Variants in TPP2 observed in about 807,000 individuals in gnomAD.
TPP2 encodes the protein tripeptidyl-peptidase 2.
In TPP2, 34 loss-of-function variants were observed where a neutral mutation model predicts 155.9. The ratio of observed to expected loss-of-function variants is 0.22; its 90% CI spans 0.17 to 0.29. The LOEUF (loss-of-function observed/expected upper bound fraction) is 0.29. Ranked by LOEUF, TPP2 falls within the 10% of genes least tolerant of loss-of-function variation. The pLI, the probability that TPP2 is intolerant of heterozygous loss-of-function variation, is 1.00. For missense variants in TPP2, 1,028 were observed against 1,522.3 expected (o/e 0.68, Z 5.40); for synonymous variants, 510 against 529.4 (o/e 0.96, Z 0.50).
chr13:102,613,328 A>G (rs554480812), intron 2 of TPP2, among the ~76,000 whole-genome samples: 1 of 152,232 alleles, frequency 6.6e-6, no homozygotes, highest in African/African-American at 2.4e-5. Context: ...AAGGTATTGC[A>G]CAAGTGAGGA....
intron 5 of TPP2, 74 bp from the exon 6 acceptor site, chr13:102,622,803 A>C: frequency 6.9e-7 from 1 of 1,448,376 alleles, no homozygotes; most frequent in Non-Finnish European, 9.3e-7. Flanking sequence ...AAAATAGTGG[A>C]GAGACTATGT....
intron 27 of TPP2, among the ~76,000 whole-genome samples, chr13:102,671,896 A>G (rs1885005959): frequency 6.6e-6 from 1 of 152,210 alleles, no homozygotes; most frequent in Non-Finnish European, 1.5e-5. Flanking sequence ...AGCTTTAAGC[A>G]GCTGTTTCAT....
At chr13:102,662,092 A>G (rs998924455) in intron 25 of TPP2, among the ~76,000 whole-genome samples, 5 of 152,198 alleles carry the variant, frequency 3.3e-5, no homozygotes, top group Non-Finnish European at 7.4e-5. Flanking sequence ...CATGAATGGG[A>G]TTAATACATG....
intron 2 of TPP2, among the ~76,000 whole-genome samples, chr13:102,613,473 G>A (rs941358562): frequency 2.6e-5 from 4 of 152,168 alleles, no homozygotes; most frequent in African/African-American, 9.7e-5. Context: ...ATTCATGTTG[G>A]TTGATGCTCA....
chr13:102,636,110 A>T, intron 12 of TPP2, 114 bp from the exon 13 acceptor site: 1 of 1,058,732 alleles, frequency 9.4e-7, no homozygotes, highest in Non-Finnish European at 1.3e-6. Flanking sequence ...TTGAGAGGTG[A>T]ATATAGACAC....
intron 27 of TPP2, among the ~76,000 whole-genome samples, chr13:102,665,759 A>G (rs1365331158): frequency 1.3e-5 from 2 of 152,174 alleles, no homozygotes; most frequent in Non-Finnish European, 2.9e-5. Context: ...ATAAACCAAA[A>G]CTATTCAGGC....
At chr13:102,623,179 T>C (rs1881289052) in intron 6 of TPP2, 139 bp downstream of exon 6, 1 of 915,802 alleles carries the variant, frequency 1.1e-6, no homozygotes, top group Admixed American at 2.7e-5. Context: ...ATCATAAAGG[T>C]GATTTGATTT....
chr13:102,622,749 A>G (rs1881252704), intron 5 of TPP2, 128 bp from the exon 6 acceptor site: 1 of 1,056,916 alleles, frequency 9.5e-7, no homozygotes, highest in African/African-American at 1.6e-5. Flanking sequence ...TAAACCAGGC[A>G]GTCATTATAT....
chr13:102,676,505 C>A, intron 29 of TPP2, 90 bp downstream of exon 29: 1 of 1,470,544 alleles, frequency 6.8e-7, no homozygotes, highest in Non-Finnish European at 9.3e-7. Context: ...TGTGATATAG[C>A]AATACTGGTT....
At chr13:102,652,397 C>CATATAT (rs10530428) in intron 24 of TPP2, among the ~76,000 whole-genome samples, 48 of 125,452 alleles carry the variant, frequency 3.8e-4, no homozygotes, top group Non-Finnish European at 5.7e-4. Flanking sequence ...AACATACATA[C>CATATAT]ATATATATAT....
At chr13:102,668,274 C>T (rs1884738106) in intron 27 of TPP2, among the ~76,000 whole-genome samples, 1 of 152,132 alleles carries the variant, frequency 6.6e-6, no homozygotes, top group African/African-American at 2.4e-5. Flanking sequence ...TTTTGCAAAA[C>T]CTCCCAGCCT....
At chr13:102,673,160 A>T (rs557123028) in intron 27 of TPP2, among the ~76,000 whole-genome samples, 2 of 152,304 alleles carry the variant, frequency 1.3e-5, no homozygotes, top group East Asian at 3.9e-4. Context: ...GTTCCCTGCC[A>T]TGCGGCCTCT....
At chr13:102,599,800 A>G (rs1265088669) in intron 1 of TPP2, among the ~76,000 whole-genome samples, 1 of 152,106 alleles carries the variant, frequency 6.6e-6, no homozygotes, top group Non-Finnish European at 1.5e-5. Flanking sequence ...ATTGACAAGG[A>G]TTATTGGGGG....
In TPP2 at chr13:102,656,911, G is replaced by C. The variant is rs536069389; in HGVS notation, c.2992-145G>C. The C allele has an allele frequency of 8.8e-6, 6 of 684,844 alleles. No individual in the cohort carries two copies. In the African/African-American group the frequency reaches 1.1e-4, roughly 13 times the overall value. 42.4% of individuals were successfully genotyped at this position (684,844 alleles called of 1,614,324 possible). A position where few individuals can be genotyped will look rare whatever the true frequency, so the allele number is the denominator to read the frequency against. Reference sequence around the variant, plus strand: ...ACTGTGACCAGAGATTGGAATTTTTGGTGTATTGTGACCCTTAGAATCTAG... The same window carrying C: ...ACTGTGACCAGAGATTGGAATTTTTCGTGTATTGTGACCCTTAGAATCTAG... On this transcript the variant is annotated intron_variant, in intron 24 of 29. Coordinates refer to ENST00000376052, the MANE Select transcript of TPP2 (RefSeq NM_001330588.2).
intron 3 of TPP2, 82 bp from the exon 4 acceptor site, chr13:102,616,314 C>T (rs1011707565): frequency 8.7e-7 from 1 of 1,152,654 alleles, no homozygotes; most frequent in Non-Finnish European, 1.3e-6. Context: ...ACTGTACCAA[C>T]AAAGTCCACA....
At chr13:102,620,388 T>C (rs554477318) in intron 5 of TPP2, among the ~76,000 whole-genome samples, 2 of 152,358 alleles carry the variant, frequency 1.3e-5, no homozygotes, top group South Asian at 4.1e-4. Flanking sequence ...AATTATACTT[T>C]CAGGTGGTAC....
intron 12 of TPP2, 98 bp from the exon 13 acceptor site, chr13:102,636,122 AACTT>A: frequency 8.2e-7 from 1 of 1,214,366 alleles, no homozygotes; most frequent in Non-Finnish European, 1.1e-6. Flanking sequence ...TATAGACACT[AACTT>A]TTTGTTTTAC....
chr13:102,658,938 A>G (rs1186714914), intron 25 of TPP2, among the ~76,000 whole-genome samples: 1 of 152,166 alleles, frequency 6.6e-6, no homozygotes, highest in Admixed American at 6.5e-5. Flanking sequence ...GTTCCATACC[A>G]CACGAGGCAA....
rs376347791 is a variant in TPP2, at chr13:102,614,220, G to C, written c.390+24G>C. ...AGGTAATGTACAATCTGGTACCAAT[G>C]AGTTGTATTCTTCTGACTTGTCTTC... On this transcript the variant is annotated intron_variant, in intron 3 of 29. Coordinates refer to ENST00000376052, the MANE Select transcript of TPP2 (RefSeq NM_001330588.2). 13 of 1,545,400 alleles carry C rather than the reference G, an allele frequency of 8.4e-6. No individual in the cohort carries two copies. In the African/African-American group the frequency reaches 1.8e-4, roughly 21 times the overall value.
Sources: allele counts gnomAD v4.1 joint callset (sites outside exome capture counted in the v4.1 genomes callset), GRCh38; gene constraint gnomAD v4.1.1; transcripts MANE v1.5; gene names NCBI Gene and HGNC (gene_info 2026-07-23, HGNC 2026-07-21).